Variants in KIAA0825 observed in about 807,000 individuals in gnomAD.
KIAA0825 encodes the protein uncharacterized protein KIAA0825.
KIAA0825 carries 119 observed loss-of-function variants against 147.6 expected under a neutral mutation model. That is an observed-to-expected ratio of 0.81 (90% CI 0.69 to 0.94). KIAA0825 has a LOEUF of 0.94. Among genes scored for constraint, KIAA0825 ranks in the 40% least tolerant of loss-of-function variants. KIAA0825 has a pLI of 0.00. For missense variants in KIAA0825, 1,381 were observed against 1,472.7 expected (o/e 0.94, Z 1.02); for synonymous variants, 470 against 518.1 (o/e 0.91, Z 1.26).
At chr5:94,454,194 T>A (rs1758789759) in intron 12 of KIAA0825, among the ~76,000 whole-genome samples, 2 of 152,172 alleles carry the variant, frequency 1.3e-5, no homozygotes. Context: ...GAGATTATAT[T>A]TTCCTACACA....
At chr5:94,378,019 A>G (rs1023448343) in intron 20 of KIAA0825, among the ~76,000 whole-genome samples, 1 of 152,262 alleles carries the variant, frequency 6.6e-6, no homozygotes, top group Non-Finnish European at 1.5e-5. Context: ...AACTGGATCA[A>G]TTAACTAAAA....
Position 94,479,139 on chromosome 5 carries a change from G to A in KIAA0825, c.1133-1934C>T, listed in dbSNP as rs191247437. ...GTTTACATTAGGGTTCACTCTTTGTGTTGTGCAATTCTATGGGTTTTGCCA... is the reference window on the plus strand; with the variant it reads ...GTTTACATTAGGGTTCACTCTTTGTATTGTGCAATTCTATGGGTTTTGCCA... On this transcript the variant is annotated intron_variant, in intron 6 of 20. Transcript: ENST00000682413. Among the ~76,000 whole-genome samples, 277 of 152,156 alleles carry A rather than the reference G, an allele frequency of 1.8e-3. 1 individual carries two copies. Among genetic ancestry groups the A allele is most frequent in the African/African-American group, 6.5e-3 (270 of 41,508 alleles).
rs1561282087 is a variant in KIAA0825, at chr5:94,537,114, C to T, written c.13G>A (p.Asp5Asn). The T allele has an allele frequency of 1.9e-6, 3 of 1,609,996 alleles. No homozygotes were observed. Among genetic ancestry groups the T allele is most frequent in the Non-Finnish European group, 2.5e-6 (3 of 1,178,276 alleles). The part of the protein sequence containing the change: MDWD[D>N]EYSHNSFDLH... ...TCAAAAGAATTATGAGAATATTCAT[C>T]ATCCCAATCCATTCTGAGGAGCAAG... The change falls in exon 3 of 21, where the codon GAT (aspartate) becomes AAT (asparagine). Residue 5 changes from aspartate to asparagine, a missense_variant. By Grantham distance (23) the Asp-to-Asn change is conservative. Transcript: ENST00000682413.
intron 2 of KIAA0825, among the ~76,000 whole-genome samples, chr5:94,549,384 T>C (rs1775072142): frequency 1.3e-5 from 2 of 152,246 alleles, no homozygotes; most frequent in South Asian, 4.1e-4. Context: ...TTAAAAAATT[T>C]CTTGAAACAA....
Position 94,425,672 on chromosome 5 carries a change from G to GT in KIAA0825, c.2498-8308dup, listed in dbSNP as rs776233774. Among the ~76,000 whole-genome samples the GT allele has an allele frequency of 2.2e-3, 336 of 152,164 alleles. 3 individuals are homozygous for GT. The highest frequency in any genetic ancestry group is 1.6e-3 in the Non-Finnish European group (108 of 67,980). On this transcript the variant is annotated intron_variant, in intron 14 of 20. Coordinates refer to ENST00000682413, the MANE Select transcript of KIAA0825 (RefSeq NM_001145678.3). ...AACCCATATGGTCGTTCTATTTTTA[G>GT]TTTTTTGAGAAATCTCCATATTGTT...
intron 20 of KIAA0825, among the ~76,000 whole-genome samples, chr5:94,338,924 G>A (rs576889938): frequency 1.3e-5 from 2 of 151,882 alleles, no homozygotes; most frequent in South Asian, 4.2e-4. Flanking sequence ...AGACTATAAT[G>A]GCCCATTAAT....
intron 17 of KIAA0825, among the ~76,000 whole-genome samples, chr5:94,393,751 A>G (rs1352031252): frequency 6.6e-6 from 1 of 152,196 alleles, no homozygotes; most frequent in East Asian, 1.9e-4. Context: ...GTGTATATCT[A>G]TGAGTAAAAT....
intron 1 of KIAA0825, among the ~76,000 whole-genome samples, chr5:94,598,358 C>T (rs545374339): frequency 6.6e-6 from 1 of 152,172 alleles, no homozygotes; most frequent in East Asian, 1.9e-4. Context: ...TCCACCTCCA[C>T]ATTTTGTCTC....
chr5:94,526,488 T>G (rs1034368043), intron 3 of KIAA0825, among the ~76,000 whole-genome samples: 1 of 152,008 alleles, frequency 6.6e-6, no homozygotes, highest in Non-Finnish European at 1.5e-5. Flanking sequence ...TCTTAATAAA[T>G]TTGAACCCCA....
chr5:94,329,995 A>C (rs138148826), intron 20 of KIAA0825, among the ~76,000 whole-genome samples: 263 of 152,314 alleles, frequency 1.7e-3, no homozygotes, highest in African/African-American at 5.9e-3. Flanking sequence ...GTAAGATGGA[A>C]TAAATTTAAT....
chr5:94,446,411 T>C (rs1361484754), intron 13 of KIAA0825, among the ~76,000 whole-genome samples: 4 of 152,128 alleles, frequency 2.6e-5, no homozygotes, highest in Non-Finnish European at 5.9e-5. Context: ...GAAGTTGTAG[T>C]AAAAAGGAAG....
intron 20 of KIAA0825, among the ~76,000 whole-genome samples, chr5:94,304,731 G>T (rs1207268660): frequency 6.6e-6 from 1 of 151,790 alleles, no homozygotes; most frequent in Admixed American, 6.6e-5. Context: ...AAGTATATTT[G>T]AATACTAAAT....
intron 19 of KIAA0825, among the ~76,000 whole-genome samples, chr5:94,385,563 A>G (rs1749020692): frequency 6.6e-6 from 1 of 152,232 alleles, no homozygotes. Context: ...AAAAGCCACC[A>G]GAAGAATGAA....
At chr5:94,368,627 A>G (rs1214798821) in intron 20 of KIAA0825, among the ~76,000 whole-genome samples, 1 of 152,218 alleles carries the variant, frequency 6.6e-6, no homozygotes, top group African/African-American at 2.4e-5. Context: ...GAGTGGAGGC[A>G]TATGGGAACA....
rs376619554 is a variant in KIAA0825 at position 94,386,402 on chromosome 5, T to G, written c.3459A>C (p.Glu1153Asp). The change falls in exon 19 of 21, where the codon GAA (glutamate) becomes GAC (aspartate). Residue 1153 changes from glutamate to aspartate, a missense_variant and splice_region_variant. Transcript: ENST00000682413. Reference sequence around the variant, plus strand: ...TAGAAAACAGCTGTTCTTTTAAATATTCCTTCAAAGAAAAGAAATTACAAG... The same window carrying G: ...TAGAAAACAGCTGTTCTTTTAAATAGTCCTTCAAAGAAAAGAAATTACAAG... ...QIYHIMQLNE[E>D]YLKEQLFSMN... 1.2e-5 allele frequency: 18 copies of G among 1,543,404 alleles called. No individual in the cohort carries two copies. In the African/African-American group the frequency reaches 1.7e-4, roughly 14 times the overall value.
chr5:94,528,536 G>A (rs1381573845), intron 3 of KIAA0825, among the ~76,000 whole-genome samples: 2 of 152,078 alleles, frequency 1.3e-5, no homozygotes, highest in Non-Finnish European at 2.9e-5. Context: ...AATTCCAGTG[G>A]GTGCCGGGTA....
At chr5:94,338,751 C>T (rs766673929) in intron 20 of KIAA0825, among the ~76,000 whole-genome samples, 6 of 151,984 alleles carry the variant, frequency 3.9e-5, no homozygotes, top group African/African-American at 7.2e-5. Flanking sequence ...TTTATAGATA[C>T]GCACTATGAT....
rs115485334 is a variant in KIAA0825, at chr5:94,269,003, G to A, written c.3711-114879C>T. ...TTAGCAAAACTGTCAAAAAACTGTCGTCCTATCTTTATTCATCTATTTTTT... is the reference window on the plus strand; with the variant it reads ...TTAGCAAAACTGTCAAAAAACTGTCATCCTATCTTTATTCATCTATTTTTT... On this transcript the variant is annotated intron_variant, in intron 20 of 20. Coordinates refer to ENST00000682413, the MANE Select transcript of KIAA0825 (RefSeq NM_001145678.3). Among the ~76,000 whole-genome samples, 539 of 152,078 alleles carry A rather than the reference G, an allele frequency of 3.5e-3. 2 individuals are homozygous for A. Among genetic ancestry groups the A allele is most frequent in the African/African-American group, 0.012 (497 of 41,480 alleles).
chr5:94,273,701 C>T (rs962738649), intron 20 of KIAA0825, among the ~76,000 whole-genome samples: 1 of 151,988 alleles, frequency 6.6e-6, no homozygotes, highest in Admixed American at 6.6e-5. Flanking sequence ...TCTCTGCCTC[C>T]TCATCTTTCT....
Sources: allele counts gnomAD v4.1 joint callset (sites outside exome capture counted in the v4.1 genomes callset), GRCh38; gene constraint gnomAD v4.1.1; transcripts MANE v1.5; gene names NCBI Gene and HGNC (gene_info 2026-07-23, HGNC 2026-07-21).